CSMD2: variants seen among roughly 807,000 people sequenced by gnomAD.
The protein encoded by CSMD2 is CUB and Sushi multiple domains 2, also known as CUB and sushi domain-containing protein 2.
CSMD2 carries 130 observed loss-of-function variants against 398.5 expected under a neutral mutation model. The observed-to-expected ratio is 0.33, with a 90% CI of 0.28 to 0.38. CSMD2 has a LOEUF of 0.38. Among genes scored for constraint, CSMD2 ranks in the 10% least tolerant of loss-of-function variants. The pLI, the probability that CSMD2 is intolerant of heterozygous loss-of-function variation, is 1.00. For synonymous variants in CSMD2, 1,828 were observed against 1,908.5 expected (o/e 0.96, Z 1.10); for missense variants, 3,829 against 4,764.9 (o/e 0.80, Z 5.78).
chr1:33,780,844 C>T (rs1652663047), intron 12 of CSMD2, among the ~76,000 whole-genome samples: 3 of 152,232 alleles, frequency 2.0e-5, no homozygotes, highest in Admixed American at 1.3e-4. Context: ...ATGTTAGTGA[C>T]ATTCTTGGCC....
chr1:33,811,448 A>T (rs1467748196), intron 9 of CSMD2, among the ~76,000 whole-genome samples: 1 of 152,074 alleles, frequency 6.6e-6, no homozygotes, highest in African/African-American at 2.4e-5. Flanking sequence ...AGGCCACTCC[A>T]TTAGGTCTCA....
At chr1:33,709,639 G>T in intron 21 of CSMD2, 2 of 328,322 alleles carry the variant, frequency 6.1e-6, no homozygotes, top group Non-Finnish European at 1.1e-5. Flanking sequence ...GGGAAGAGGG[G>T]GGCAGTTAAG....
intron 5 of CSMD2, among the ~76,000 whole-genome samples, chr1:33,907,946 G>A (rs919481872): frequency 6.6e-6 from 1 of 152,036 alleles, no homozygotes; most frequent in Admixed American, 6.5e-5. Flanking sequence ...AATTAGCTGG[G>A]CATGGTGGCA....
At chr1:33,614,734 T>C (rs1335629252) in intron 39 of CSMD2, 114 bp from the exon 40 acceptor site, 1 of 632,054 alleles carries the variant, frequency 1.6e-6, no homozygotes, top group African/African-American at 1.8e-5. Context: ...ATGAGTCATA[T>C]AGCCCCTTGA....
chr1:33,880,422 A>C lies in CSMD2; in HGVS notation c.921-33426T>G, dbSNP rs1237345325. 2.0e-5 allele frequency among the ~76,000 whole-genome samples: 3 copies of C among 152,210 alleles called. No individual in the cohort carries two copies. The East Asian group carries it at 5.8e-4, about 29-fold the overall frequency. Reference sequence around the variant, plus strand: ...TACATTTCCATACCACCTACTCTTTAATCAGAGATTAAGAGATCTTAACTC... The same window carrying C: ...TACATTTCCATACCACCTACTCTTTCATCAGAGATTAAGAGATCTTAACTC... On this transcript the variant is annotated intron_variant, in intron 5 of 70. Coordinates refer to ENST00000373381, the MANE Select transcript of CSMD2 (RefSeq NM_001281956.2).
At chr1:34,140,964 C>A (rs1639234900) in intron 1 of CSMD2, among the ~76,000 whole-genome samples, 1 of 152,194 alleles carries the variant, frequency 6.6e-6, no homozygotes, top group Admixed American at 6.5e-5. Context: ...GCAGCCCCAG[C>A]CACCACACAC....
intron 3 of CSMD2, among the ~76,000 whole-genome samples, chr1:34,016,136 CAT>C (rs1191926803): frequency 1.3e-5 from 2 of 151,788 alleles, no homozygotes; most frequent in Admixed American, 6.6e-5. Context: ...TATAGAGAAA[CAT>C]ATACGTTTTT....
intron 28 of CSMD2, among the ~76,000 whole-genome samples, chr1:33,647,575 C>T (rs909722527): frequency 1.3e-5 from 2 of 152,132 alleles, no homozygotes; most frequent in African/African-American, 4.8e-5. Flanking sequence ...AATAAACTCA[C>T]ACTAACTTGT....
intron 3 of CSMD2, among the ~76,000 whole-genome samples, chr1:33,964,060 G>C (rs941195310): frequency 2.6e-5 from 4 of 152,202 alleles, no homozygotes; most frequent in Admixed American, 2.0e-4. Flanking sequence ...CTCCCTGAGG[G>C]TGCAGATTTT....
chr1:34,026,461 T>C (rs1649656475), intron 3 of CSMD2, among the ~76,000 whole-genome samples: 1 of 152,222 alleles, frequency 6.6e-6, no homozygotes, highest in African/African-American at 2.4e-5. Flanking sequence ...TAGACTTAGC[T>C]AAACAAAGAA....
chr1:34,017,472 T>G (rs766705657), intron 3 of CSMD2, among the ~76,000 whole-genome samples: 6 of 152,210 alleles, frequency 3.9e-5, no homozygotes, highest in Non-Finnish European at 7.3e-5. Context: ...AAAAACATCT[T>G]GTGGCCAGGC....
chr1:33,783,433 CT>C (rs1653064174), intron 12 of CSMD2, among the ~76,000 whole-genome samples: 2 of 8,498 alleles, frequency 2.4e-4, no homozygotes, highest in African/African-American at 1.9e-4. Context: ...TTCTCTCATT[CT>C]CTCTCTCTCT....
At chr1:34,144,048 A>C (rs1161366167) in intron 1 of CSMD2, among the ~76,000 whole-genome samples, 1 of 152,180 alleles carries the variant, frequency 6.6e-6, no homozygotes, top group Non-Finnish European at 1.5e-5. Flanking sequence ...TATGCCACAG[A>C]GATAAGCGGG....
intron 13 of CSMD2, among the ~76,000 whole-genome samples, chr1:33,745,925 A>C (rs1356181935): frequency 6.6e-6 from 1 of 152,150 alleles, no homozygotes; most frequent in Non-Finnish European, 1.5e-5. Flanking sequence ...AGGTATTGTT[A>C]TTAACCCCAT....
At chr1:33,780,593 CG>C in intron 12 of CSMD2, among the ~76,000 whole-genome samples, 1 of 152,312 alleles carries the variant, frequency 6.6e-6, no homozygotes, top group Admixed American at 6.5e-5. Flanking sequence ...TAAAGCTTAC[CG>C]TTTGCAAAAG....
intron 6 of CSMD2, among the ~76,000 whole-genome samples, chr1:33,828,524 T>C (rs1000402959): frequency 6.6e-6 from 1 of 152,034 alleles, no homozygotes; most frequent in Non-Finnish European, 1.5e-5. Flanking sequence ...GGCTCTAGTG[T>C]TGCTAGAGGA....
At chr1:34,100,800 T>C (rs1288403705) in intron 1 of CSMD2, among the ~76,000 whole-genome samples, 1 of 152,224 alleles carries the variant, frequency 6.6e-6, no homozygotes, top group Non-Finnish European at 1.5e-5. Flanking sequence ...GATCTGGTGA[T>C]AGGATGCTGG....
At chr1:33,779,121 T>G (rs1305604719) in intron 12 of CSMD2, among the ~76,000 whole-genome samples, 3 of 152,186 alleles carry the variant, frequency 2.0e-5, no homozygotes, top group African/African-American at 7.2e-5. Flanking sequence ...CCCTGCTCAT[T>G]GATCCTTTTA....
chr1:34,122,812 G>A (rs528604152), intron 1 of CSMD2, among the ~76,000 whole-genome samples: 1 of 152,152 alleles, frequency 6.6e-6, no homozygotes, highest in East Asian at 1.9e-4. Flanking sequence ...CTTACCAGGG[G>A]ACAGAGAGGC....
Sources: allele counts gnomAD v4.1 joint callset (sites outside exome capture counted in the v4.1 genomes callset), GRCh38; gene constraint gnomAD v4.1.1; transcripts MANE v1.5; gene names NCBI Gene and HGNC (gene_info 2026-07-23, HGNC 2026-07-21).